Variants in MYRIP observed in about 807,000 individuals in gnomAD.
The protein encoded by MYRIP is myosin VIIA and Rab interacting protein.
A neutral mutation model predicts 98.0 loss-of-function variants in MYRIP; 49 were observed. That is an observed-to-expected ratio of 0.50 (90% CI 0.40 to 0.63). MYRIP has a LOEUF of 0.63. Ranked by LOEUF, MYRIP falls within the 30% of genes least tolerant of loss-of-function variation. The pLI is 0.00. For synonymous variants in MYRIP, 404 were observed against 409.5 expected, an observed-to-expected ratio of 0.99 and a Z score of 0.16; for missense variants, 1,004 against 1,058.2, an observed-to-expected ratio of 0.95 and a Z score of 0.71.
chr3:39,959,144 A>G (rs1273021356), intron 2 of MYRIP, among the ~76,000 whole-genome samples: 1 of 152,238 alleles, frequency 6.6e-6, no homozygotes, highest in African/African-American at 2.4e-5. Flanking sequence ...CTAGAACTAG[A>G]AATACCATTT....
chr3:39,887,039 T>A (rs1180716157), intron 1 of MYRIP, among the ~76,000 whole-genome samples: 1 of 151,778 alleles, frequency 6.6e-6, no homozygotes, highest in African/African-American at 2.4e-5. Flanking sequence ...AGAATCTCAC[T>A]CAAAACCACT....
In MYRIP at chr3:40,258,178, T is replaced by C. The variant is rs372291318; in HGVS notation, c.*12T>C. ...CTGTGATGTACTGACACCATGGAAT[T>C]CCACTGCCAGTGACCCACTGCCTCC... is the stretch of plus-strand genomic sequence containing the variant. On this transcript the variant is annotated 3_prime_UTR_variant, in exon 17 of 17. Coordinates refer to ENST00000302541, the MANE Select transcript of MYRIP (RefSeq NM_015460.4). 1.9e-5 allele frequency: 30 copies of C among 1,614,030 alleles called. No homozygotes were observed. Among genetic ancestry groups the C allele is most frequent in the Non-Finnish European group, 2.2e-5 (26 of 1,179,996 alleles).
intron 10 of MYRIP, among the ~76,000 whole-genome samples, chr3:40,196,601 G>T (rs1477147630): frequency 6.6e-6 from 1 of 152,190 alleles, no homozygotes; most frequent in East Asian, 1.9e-4. Flanking sequence ...AATTTGTTGA[G>T]ACTGCCTTTA....
intron 3 of MYRIP, among the ~76,000 whole-genome samples, chr3:40,136,040 C>A: frequency 6.6e-6 from 1 of 152,184 alleles, no homozygotes. Flanking sequence ...ACAATACTAA[C>A]CTTAAATGTA....
Position 40,058,083 on chromosome 3 carries a change from A to G in MYRIP, c.332+13812A>G, listed in dbSNP as rs919129432. ...AATATTTAGCACCATATCATTGTTTATGATTATGAAACCATTTTCTCAATG... is the reference window on the plus strand; with the variant it reads ...AATATTTAGCACCATATCATTGTTTGTGATTATGAAACCATTTTCTCAATG... On this transcript the variant is annotated intron_variant, in intron 3 of 16. Transcript: ENST00000302541. Among the ~76,000 whole-genome samples, 3 of 152,306 alleles carry G rather than the reference A, an allele frequency of 2.0e-5. No homozygotes were observed. In the East Asian group the frequency reaches 5.8e-4, roughly 29 times the overall value.
rs1334644963 is a variant in MYRIP at position 40,254,181 on chromosome 3, C to T, written c.2547+2182C>T. On this transcript the variant is annotated intron_variant, in intron 16 of 16. Transcript: ENST00000302541. ...CTATCATTTTATGAGGTTTATTTGC[C>T]AAAGTTAAGGATGTGCACACAGGAG... is the stretch of plus-strand genomic sequence containing the variant. Among the ~76,000 whole-genome samples the T allele has an allele frequency of 2.0e-5, 3 of 152,100 alleles. 1 individual carries two copies. The highest frequency in any genetic ancestry group is 7.2e-5 in the African/African-American group (3 of 41,400).
intron 2 of MYRIP, among the ~76,000 whole-genome samples, chr3:39,902,522 G>A (rs1943766486): frequency 6.6e-6 from 1 of 152,202 alleles, no homozygotes; most frequent in South Asian, 2.1e-4. Flanking sequence ...TCTGGACACA[G>A]GGCCTGGCAC....
At position 40,171,963 on chromosome 3, in the gene MYRIP, C is replaced by A. The variant is rs549392905; in HGVS notation, c.873+1870C>A. On this transcript the variant is annotated intron_variant, in intron 8 of 16. Transcript: ENST00000302541. ...AAGTCACATCTTAAGTAGTGGCAGG[C>A]AAGAGAGCGTGTGCAGGGGAACTCC... Among the ~76,000 whole-genome samples, 556 of 152,342 alleles carry A rather than the reference C, an allele frequency of 3.6e-3. 2 individuals carry two copies. The highest frequency in any genetic ancestry group is 0.01 in the Middle Eastern group (3 of 294).
rs566567615 is a variant in MYRIP, at chr3:39,887,968, C to T, written c.-30-12819C>T. 5.3e-5 allele frequency among the ~76,000 whole-genome samples: 8 copies of T among 150,262 alleles called. No homozygotes were observed. In the South Asian group the frequency reaches 1.1e-3, roughly 20 times the overall value. ...ATAAAATACCTAGGAATCCAACTTA[C>T]AAGGGACGTGAAGGACCTCTTCAAG... is the stretch of plus-strand genomic sequence containing the variant. On this transcript the variant is annotated intron_variant, in intron 1 of 16. Transcript: ENST00000302541.
At chr3:39,866,952 A>G (rs1942645822) in intron 1 of MYRIP, among the ~76,000 whole-genome samples, 1 of 152,188 alleles carries the variant, frequency 6.6e-6, no homozygotes, top group African/African-American at 2.4e-5. Flanking sequence ...TAGTAATCCA[A>G]CAGTATAGTA....
At chr3:39,993,139 A>C (rs1336362270) in intron 2 of MYRIP, among the ~76,000 whole-genome samples, 5 of 152,152 alleles carry the variant, frequency 3.3e-5, no homozygotes, top group Non-Finnish European at 7.4e-5. Context: ...TTGCTGTGTC[A>C]TCCCATGACA....
chr3:40,245,058 C>T (rs976441996), intron 13 of MYRIP, among the ~76,000 whole-genome samples: 4 of 152,178 alleles, frequency 2.6e-5, no homozygotes, highest in African/African-American at 9.7e-5. Context: ...GTGCCTAGCA[C>T]AATACCTGGC....
chr3:39,948,211 T>C (rs1944940897), intron 2 of MYRIP, among the ~76,000 whole-genome samples: 1 of 152,136 alleles, frequency 6.6e-6, no homozygotes, highest in African/African-American at 2.4e-5. Flanking sequence ...CAAAAGACAA[T>C]GGAGTCCTCT....
chr3:40,066,991 T>C (rs1479703245), intron 3 of MYRIP, among the ~76,000 whole-genome samples: 2 of 152,220 alleles, frequency 1.3e-5, no homozygotes, highest in African/African-American at 2.4e-5. Context: ...TCCTTTTTGC[T>C]TTTCTATAGT....
intron 1 of MYRIP, among the ~76,000 whole-genome samples, chr3:39,821,108 A>G (rs952000770): frequency 2.0e-5 from 3 of 149,294 alleles, no homozygotes; most frequent in African/African-American, 7.8e-5. Context: ...TTGCTTCCCC[A>G]AAAGGTGGAA....
rs965731571 is a variant in MYRIP, at chr3:40,095,805, C to T, written c.332+51534C>T. Among the ~76,000 whole-genome samples, 5 of 151,756 alleles carry T rather than the reference C, an allele frequency of 3.3e-5. No individual in the cohort carries two copies. In the East Asian group the frequency reaches 9.7e-4, roughly 29 times the overall value. On this transcript the variant is annotated intron_variant, in intron 3 of 16. Coordinates refer to ENST00000302541, the MANE Select transcript of MYRIP (RefSeq NM_015460.4). Reference sequence around the variant, plus strand: ...CAGTATGCTGTCACACACATCTTTCCTACATACTCCACAGACCCTCTTCTA... The same window carrying T: ...CAGTATGCTGTCACACACATCTTTCTTACATACTCCACAGACCCTCTTCTA...
intron 3 of MYRIP, among the ~76,000 whole-genome samples, chr3:40,122,300 C>T (rs980941262): frequency 6.6e-6 from 1 of 151,338 alleles, no homozygotes; most frequent in African/African-American, 2.4e-5. Context: ...AGGGAAAGTA[C>T]ATATGAAATA....
At chr3:40,169,210 A>G (rs1950559746) in intron 7 of MYRIP, among the ~76,000 whole-genome samples, 1 of 152,142 alleles carries the variant, frequency 6.6e-6, no homozygotes, top group Admixed American at 6.5e-5. Flanking sequence ...CTGCTGGGCA[A>G]CATGGCTGGG....
intron 2 of MYRIP, among the ~76,000 whole-genome samples, chr3:39,999,968 T>C (rs1456710411): frequency 1.5e-5 from 2 of 137,728 alleles, no homozygotes; most frequent in Non-Finnish European, 3.0e-5. Context: ...TAGGTGGGAA[T>C]TGAACAATGA....
Sources: allele counts gnomAD v4.1 joint callset (sites outside exome capture counted in the v4.1 genomes callset), GRCh38; gene constraint gnomAD v4.1.1; transcripts MANE v1.5; gene names NCBI Gene and HGNC (gene_info 2026-07-23, HGNC 2026-07-21).